The following ACLY variants were observed in gnomAD, a reference collection of about 807,000 sequenced individuals.
ACLY encodes the protein ATP-citrate synthase.
In ACLY, 41 loss-of-function variants were observed where a neutral mutation model predicts 133.0. The observed-to-expected ratio is 0.31, with a 90% CI of 0.24 to 0.40. The LOEUF (loss-of-function observed/expected upper bound fraction) is 0.40. Ranked by LOEUF, ACLY falls within the 10% of genes least tolerant of loss-of-function variation. ACLY has a pLI of 1.00. For synonymous variants in ACLY, 495 were observed against 549.3 expected, an observed-to-expected ratio of 0.90 and a Z score of 1.38; for missense variants, 1,046 against 1,453.8, an observed-to-expected ratio of 0.72 and a Z score of 4.56.
intron 11 of ACLY, among the ~76,000 whole-genome samples, chr17:41,900,602 G>A (rs576131162): frequency 6.6e-5 from 10 of 151,632 alleles, no homozygotes; most frequent in African/African-American, 1.5e-4. Flanking sequence ...GTGCACACCC[G>A]TGGTCCCCAA....
intron 6 of ACLY, among the ~76,000 whole-genome samples, 182 bp downstream of exon 6, chr17:41,908,805 TAC>T (rs1463566984): frequency 5.9e-5 from 9 of 152,182 alleles, no homozygotes; most frequent in African/African-American, 2.2e-4. Flanking sequence ...AGAGAAGAAC[TAC>T]AGTCTTCTGA....
upstream of ACLY, among the ~76,000 whole-genome samples, chr17:41,921,371 C>A (rs1406068373): frequency 6.6e-6 from 1 of 150,740 alleles, no homozygotes; most frequent in Non-Finnish European, 1.5e-5. Context: ...GTAGTCCCAG[C>A]TACTTGGGAG....
chr17:41,868,650 G>C, intron 28 of ACLY, 59 bp downstream of exon 28: 1 of 1,305,828 alleles, frequency 7.7e-7, no homozygotes, highest in Non-Finnish European at 1.1e-6. Context: ...TGAGTAAGTG[G>C]TGTAGCTGAA....
At chr17:41,887,564 T>C in intron 17 of ACLY, 35 bp downstream of exon 17, 1 of 1,572,250 alleles carries the variant, frequency 6.4e-7, no homozygotes, top group Non-Finnish European at 8.8e-7. Context: ...TAAGATAGCA[T>C]CGAACGTAAA....
At chr17:41,891,249 G>A (rs139469734) in intron 16 of ACLY, among the ~76,000 whole-genome samples, 35 of 151,840 alleles carry the variant, frequency 2.3e-4, no homozygotes, top group African/African-American at 6.0e-4. Flanking sequence ...AGTTGGTCTC[G>A]AACCCCTAGC....
chr17:41,915,263 T>C (rs782492177), intron 1 of ACLY, among the ~76,000 whole-genome samples: 6 of 152,116 alleles, frequency 3.9e-5, no homozygotes, highest in Admixed American at 6.6e-5. Flanking sequence ...GCATGGAAAT[T>C]CAGGCCAAGA....
At chr17:41,899,578 G>A (rs2049469246) in intron 11 of ACLY, among the ~76,000 whole-genome samples, 1 of 152,104 alleles carries the variant, frequency 6.6e-6, no homozygotes, top group Non-Finnish European at 1.5e-5. Flanking sequence ...CTCTGACCTT[G>A]ATGGTCACTC....
At chr17:41,879,029 C>A in intron 20 of ACLY, 105 bp from the exon 21 acceptor site, 1 of 1,384,734 alleles carries the variant, frequency 7.2e-7, no homozygotes, top group East Asian at 2.3e-5. Flanking sequence ...TCATTTAAGC[C>A]TCAAGCAAGC....
chr17:41,912,909 CAG>C (rs1555633909), intron 2 of ACLY, among the ~76,000 whole-genome samples: 1 of 152,166 alleles, frequency 6.6e-6, no homozygotes, highest in East Asian at 1.9e-4. Flanking sequence ...AAGAGGAAAA[CAG>C]AGAGACAGAG....
chr17:41,871,113 T>G (rs1434875379), intron 25 of ACLY, among the ~76,000 whole-genome samples: 1 of 152,212 alleles, frequency 6.6e-6, no homozygotes, highest in African/African-American at 2.4e-5. Context: ...TAAGATTCAT[T>G]TGGGAAACCA....
At chr17:41,876,680 A>G (rs540019206) in intron 22 of ACLY, among the ~76,000 whole-genome samples, 3 of 152,308 alleles carry the variant, frequency 2.0e-5, no homozygotes, top group African/African-American at 4.8e-5. Context: ...AGGGCAGTGC[A>G]AGGTGTGCTT....
intron 4 of ACLY, among the ~76,000 whole-genome samples, chr17:41,910,004 C>A (rs778712696): frequency 1.3e-5 from 2 of 152,148 alleles, no homozygotes; most frequent in Non-Finnish European, 2.9e-5. Context: ...TGGAAGTCCC[C>A]TTTGTTACCA....
chr17:41,887,032 G>A (rs965186303), intron 17 of ACLY, among the ~76,000 whole-genome samples: 1 of 150,350 alleles, frequency 6.7e-6, no homozygotes, highest in African/African-American at 2.5e-5. Flanking sequence ...GCTGAGGCAG[G>A]AGAATTGCTT....
chr17:41,904,444 C>T (rs1701413511), intron 10 of ACLY: 1 of 428,988 alleles, frequency 2.3e-6, no homozygotes, highest in Non-Finnish European at 4.2e-6. Context: ...TGCTCCAAAG[C>T]ATTGGTCCTG....
At chr17:41,908,744 A>G (rs1415429368) in intron 6 of ACLY, among the ~76,000 whole-genome samples, 1 of 152,218 alleles carries the variant, frequency 6.6e-6, no homozygotes, top group African/African-American at 2.4e-5. Context: ...AGCCTGGGCG[A>G]CAGGGCAAGA....
chr17:41,912,656 G>T (rs1199885157), intron 2 of ACLY, 114 bp from the exon 3 acceptor site: 2 of 1,339,202 alleles, frequency 1.5e-6, no homozygotes, highest in Non-Finnish European at 2.1e-6. Context: ...CTGCTCCAAA[G>T]CCAGCCCTAA....
chr17:41,921,224 G>A (rs544462638), upstream of ACLY, among the ~76,000 whole-genome samples: 11 of 152,262 alleles, frequency 7.2e-5, no homozygotes, highest in East Asian at 1.9e-3. Context: ...CTTGAACCCA[G>A]GAGGCAGAGG....
At chr17:41,913,680 C>T (rs373579069) in intron 2 of ACLY, 35 bp downstream of exon 2, 13 of 1,607,984 alleles carry the variant, frequency 8.1e-6, no homozygotes, top group Middle Eastern at 1.7e-4. Context: ...GACCCCGGGC[C>T]TGGAAGAAAG....
intron 14 of ACLY, among the ~76,000 whole-genome samples, chr17:41,893,536 T>A (rs1555629798): frequency 6.6e-6 from 1 of 152,204 alleles, no homozygotes; most frequent in African/African-American, 2.4e-5. Flanking sequence ...AATGAGGTCT[T>A]AACAAATTAT....
Sources: allele counts gnomAD v4.1 joint callset (sites outside exome capture counted in the v4.1 genomes callset), GRCh38; gene constraint gnomAD v4.1.1; transcripts MANE v1.5; gene names NCBI Gene and HGNC (gene_info 2026-07-23, HGNC 2026-07-21).